The following CARHSP1 variants were observed in gnomAD, a reference collection of about 807,000 sequenced individuals.
CARHSP1 encodes the protein calcium regulated heat stable protein 1.
In CARHSP1, 14 loss-of-function variants were observed where a neutral mutation model predicts 12.5. That is an observed-to-expected ratio of 1.12 (90% CI 0.74 to 1.75). The LOEUF is 1.75. Ranked by LOEUF, CARHSP1 falls within the 40% of genes most tolerant of loss-of-function variation. The pLI is 0.00. For synonymous variants in CARHSP1, 161 were observed against 82.0 expected, an observed-to-expected ratio of 1.96 and a Z score of -5.20; for missense variants, 343 against 201.6, an observed-to-expected ratio of 1.70 and a Z score of -4.25.
At chr16:8,859,131 A>C in intron 2 of CARHSP1, 40 bp downstream of exon 2, 1 of 1,536,194 alleles carries the variant, frequency 6.5e-7, no homozygotes, top group Non-Finnish European at 8.8e-7. Context: ...CAGGCAAGAG[A>C]TCCATCTGAG....
At chr16:8,856,503 C>G (rs563486585) in intron 3 of CARHSP1, among the ~76,000 whole-genome samples, 3 of 152,186 alleles carry the variant, frequency 2.0e-5, no homozygotes, top group South Asian at 2.1e-4. Context: ...CTTACTGATT[C>G]AAAATCCTTT....
intron 1 of CARHSP1, 115 bp downstream of exon 1, chr16:8,868,851 G>A (rs1452087961): frequency 2.0e-5 from 3 of 151,952 alleles, no homozygotes; most frequent in Non-Finnish European, 4.4e-5. Context: ...CGAGCTAGAA[G>A]ACCCTGCAGG....
intron 1 of CARHSP1, chr16:8,861,632 G>T: frequency 7.8e-7 from 1 of 1,289,096 alleles, no homozygotes; most frequent in South Asian, 1.2e-5. Context: ...GAAGCTGGTG[G>T]CTGGCTTGCC....
At position 8,859,242 on chromosome 16, in the gene CARHSP1, G is replaced by A. The variant is rs774347123; in HGVS notation, c.87C>T (p.Arg29=). ...GLLDTPRSRE[R]SPSPLRGNVV... ...CGTTGCCCCGCAGAGGGGATGGTGA[G>A]CGCTCACGGCTCCGAGGGGTGTCCA... Residue 29 remains arginine (R), a synonymous_variant, in exon 2 of 4, where the codon CGC becomes CGT. Transcript: ENST00000311052. 1.9e-6 allele frequency: 3 copies of A among 1,601,552 alleles called. No homozygotes were observed. The highest frequency in any genetic ancestry group is 8.5e-7 in the Non-Finnish European group (1 of 1,176,850).
chr16:8,855,431 AT>A (rs1471336622), intron 3 of CARHSP1, 105 bp from the exon 4 acceptor site: 9 of 1,045,940 alleles, frequency 8.6e-6, no homozygotes, highest in Non-Finnish European at 1.0e-5. Context: ...AGCAGGCACC[AT>A]CTGACCAACC....
intron 1 of CARHSP1, chr16:8,860,569 C>T (rs548757624): frequency 1.1e-4 from 104 of 972,722 alleles, no homozygotes; most frequent in South Asian, 1.9e-4. Flanking sequence ...GCTCAGTTTC[C>T]GAATCTGCAA....
chr16:8,860,074 A>C (rs1316858287), intron 1 of CARHSP1: 1 of 921,298 alleles, frequency 1.1e-6, no homozygotes, highest in Admixed American at 6.2e-5. Flanking sequence ...TGGGAGCCAG[A>C]CACCACAGGG....
chr16:8,859,107 T>G (rs2061254426), intron 2 of CARHSP1, 64 bp downstream of exon 2: 2 of 1,456,930 alleles, frequency 1.4e-6, no homozygotes, highest in Admixed American at 4.4e-5. Context: ...AGAGACACAG[T>G]GAATCTCTGG....
chr16:8,857,188 G>A (rs1012028477), intron 3 of CARHSP1, among the ~76,000 whole-genome samples: 1 of 146,438 alleles, frequency 6.8e-6, no homozygotes, highest in Non-Finnish European at 1.5e-5. Context: ...ACACCACCCT[G>A]TCTCCCACAA....
At chr16:8,862,067 A>G (rs1241219022) in intron 1 of CARHSP1, among the ~76,000 whole-genome samples, 3 of 143,074 alleles carry the variant, frequency 2.1e-5, no homozygotes, top group South Asian at 2.3e-4. Flanking sequence ...CAATGGCACA[A>G]TCTCGGCTCA....
intron 2 of CARHSP1, chr16:8,858,736 G>C (rs1043734009): frequency 1.0e-5 from 5 of 497,560 alleles, no homozygotes; most frequent in African/African-American, 1.9e-5. Flanking sequence ...AAACATCACT[G>C]AACATCCCTC....
intron 2 of CARHSP1, 140 bp downstream of exon 2, chr16:8,859,031 C>A: frequency 2.7e-6 from 2 of 739,916 alleles, no homozygotes; most frequent in South Asian, 4.8e-5. Context: ...GTTTCTCACC[C>A]TCAGCCCACG....
intron 1 of CARHSP1, among the ~76,000 whole-genome samples, chr16:8,866,777 G>A (rs1423995821): frequency 6.6e-6 from 1 of 151,722 alleles, no homozygotes; most frequent in East Asian, 1.9e-4. Context: ...GGGGCAGCCA[G>A]GCCGGAGTCA....
At chr16:8,856,583 T>G (rs910460874) in intron 3 of CARHSP1, among the ~76,000 whole-genome samples, 4 of 150,654 alleles carry the variant, frequency 2.7e-5, no homozygotes, top group Non-Finnish European at 5.9e-5. Context: ...TGCGTCACCT[T>G]GGTATTCTCC....
At chr16:8,864,433 C>T (rs184383613) in intron 1 of CARHSP1, among the ~76,000 whole-genome samples, 1 of 152,320 alleles carries the variant, frequency 6.6e-6, no homozygotes, top group Admixed American at 6.5e-5. Context: ...ACAGCAGTGT[C>T]CTGGGGCCAT....
chr16:8,859,095 C>A (rs1318268145), intron 2 of CARHSP1, 76 bp downstream of exon 2: 2 of 1,410,140 alleles, frequency 1.4e-6, no homozygotes, highest in African/African-American at 1.4e-5. Flanking sequence ...CCAAAAATGG[C>A]CAGAGACACA....
At chr16:8,863,111 G>GC (rs1172649375) in intron 1 of CARHSP1, among the ~76,000 whole-genome samples, 4 of 90,984 alleles carry the variant, frequency 4.4e-5, no homozygotes, top group African/African-American at 1.7e-4. Flanking sequence ...CACAAGGATG[G>GC]CTTTTTTTTT....
Position 8,858,429 on chromosome 16 carries a change from T to G in CARHSP1, c.202A>C (p.Lys68Gln). The G allele has an allele frequency of 6.2e-7, 1 of 1,614,044 alleles. No homozygotes were observed. Among genetic ancestry groups the G allele is most frequent in the South Asian group, 1.1e-5 (1 of 91,082 alleles). The change falls in exon 3 of 4, where the codon AAA (lysine) becomes CAA (glutamine). Residue 68 changes from lysine (K) to glutamine (Q), a missense_variant. Coordinates refer to ENST00000311052, the MANE Select transcript of CARHSP1 (RefSeq NM_014316.4). ...SQGPVYKGVCKCFCRSKGHGF... is the reference protein window; with the variant it reads ...SQGPVYKGVCQCFCRSKGHGF... ...TGGCCCTTGGACCGGCAGAAGCATT[T>G]GCAGACTCCTTTGTAGACGGGGCCC... is the stretch of plus-strand genomic sequence containing the variant.
chr16:8,867,220 T>TC (rs1443910959), intron 1 of CARHSP1: 1 of 149,504 alleles, frequency 6.7e-6, no homozygotes, highest in Non-Finnish European at 1.5e-5. Flanking sequence ...CCTCCATCCT[T>TC]CCCTCCATTC....
Sources: gnomAD v4.1 joint callset for allele counts (sites outside exome capture counted in the v4.1 genomes callset) on GRCh38, gnomAD v4.1.1 for gene constraint, MANE v1.5 for transcripts, NCBI Gene and HGNC (gene_info 2026-07-23, HGNC 2026-07-21) for gene names.